AHNAK2: variants seen among roughly 807,000 people sequenced by gnomAD.
AHNAK2 encodes the protein protein AHNAK2.
Under a neutral mutation model 30.7 loss-of-function variants are expected in AHNAK2, and 18 were observed. The ratio of observed to expected loss-of-function variants is 0.59; its 90% CI spans 0.41 to 0.87. The LOEUF is 0.87. AHNAK2 is among the 40% of genes least tolerant of loss of function. The probability of loss-of-function intolerance (pLI) is 0.00; values close to 1 mark genes in which losing one functional copy is unlikely to be tolerated. For missense variants in AHNAK2, 8,604 were observed against 7,373.0 expected, an observed-to-expected ratio of 1.17 and a Z score of -6.11; for synonymous variants, 3,590 against 3,073.8, an observed-to-expected ratio of 1.17 and a Z score of -5.56.
Position 104,954,911 on chromosome 14 carries a change from TAGTGA to T in AHNAK2, c.651+41_651+45del. The T allele has an allele frequency of 3.9e-6, 2 of 507,314 alleles. No homozygotes were observed. The highest frequency in any genetic ancestry group is 6.2e-6 in the Non-Finnish European group (2 of 322,806). 31.4% of individuals were successfully genotyped at this position (507,314 alleles called of 1,614,324 possible). On this transcript the variant is annotated intron_variant, in intron 6 of 6. Coordinates refer to ENST00000333244, the MANE Select transcript of AHNAK2 (RefSeq NM_138420.4). The surrounding 1 kb of genome is among the most constrained non-coding windows in gnomAD (Gnocchi z 4.3). Reference sequence around the variant, plus strand: ...CCCCTCCCAGGCTCAGCCAGCAGGGTAGTGAAGCCAGCTGGGGCCCTGCCCCCCGG... The same window carrying T: ...CCCCTCCCAGGCTCAGCCAGCAGGGTAGCCAGCTGGGGCCCTGCCCCCCGG...
At position 104,947,415 on chromosome 14, in the gene AHNAK2, T is replaced by G. The variant is rs751972293; in HGVS notation, c.8036A>C (p.Glu2679Ala). 5.0e-6 allele frequency: 8 copies of G among 1,612,340 alleles called. No homozygotes were observed. The African/African-American group carries it at 8.1e-5, about 16-fold the overall frequency. Residue 2679 changes from glutamate (E) to alanine (A), a missense_variant, in exon 7 of 7, where the codon GAA becomes GCA. By Grantham distance (107) the Glu-to-Ala change is moderately radical (BLOSUM62 -1). Coordinates refer to ENST00000333244, the MANE Select transcript of AHNAK2 (RefSeq NM_138420.4). The stretch of plus-strand genomic sequence containing the variant: ...CATGGAGGGGAGGCTCATGTCGGCT[T>G]CCACCTTCAGCTCAGACACATCCAC... ...ALVDVSELKV[E>A]ADMSLPSMQG...
intron 1 of AHNAK2, among the ~76,000 whole-genome samples, chr14:104,965,759 G>C (rs1254185312): frequency 6.6e-6 from 1 of 152,240 alleles, no homozygotes; most frequent in Admixed American, 6.5e-5. Context: ...CTTGGGGACT[G>C]TCCCACGAAG....
At chr14:104,978,087 G>T in intron 1 of AHNAK2, 96 bp downstream of exon 1, 1 of 1,029,770 alleles carries the variant, frequency 9.7e-7, no homozygotes, top group Non-Finnish European at 1.2e-6. Context: ...CGCCCCCAAG[G>T]CCCGCACTGC....
Position 104,953,395 on chromosome 14 carries a change from C to G in AHNAK2, c.2056G>C (p.Gly686Arg), listed in dbSNP as rs771428719. The G allele has an allele frequency of 4.3e-6, 7 of 1,613,970 alleles. No individual in the cohort carries two copies. The highest frequency in any genetic ancestry group is 1.7e-5 in the Admixed American group (1 of 60,024). Residue 686 changes from glycine to arginine, a missense_variant, in exon 7 of 7, where the codon GGG becomes CGG. By Grantham distance (125) the Gly-to-Arg change is moderately radical. Transcript: ENST00000333244. The stretch of plus-strand genomic sequence containing the variant: ...ATGGACTTGCCTGGGGCTGACGCCC[C>G]GAACAATGGCATCTTGAACTTGGGC... Reference protein sequence around the residue: ...KMPKFKMPLFGASAPGKSMEA... With the variant: ...KMPKFKMPLFRASAPGKSMEA...
chr14:104,954,216 C>T lies in AHNAK2; in HGVS notation c.1235G>A (p.Gly412Glu). The T allele has an allele frequency of 6.2e-7, 1 of 1,611,134 alleles. No homozygotes were observed. ...ATGGAGCCTGGCTGCCCTGAGTCCCCCTTCCTGAGGGGTTCCCTCGCAAAG... is the reference window on the plus strand; with the variant it reads ...ATGGAGCCTGGCTGCCCTGAGTCCCTCTTCCTGAGGGGTTCCCTCGCAAAG... ...PRLCEGTPQEGGLRAARLHGK... is the reference protein window; with the variant it reads ...PRLCEGTPQEEGLRAARLHGK... The change falls in exon 7 of 7, where the codon GGG becomes GAG. Residue 412 changes from glycine to glutamate, a missense_variant. Transcript: ENST00000333244. The surrounding 1 kb of genome is among the most constrained non-coding windows in gnomAD (Gnocchi z 4.3).
rs540187461 is a variant in AHNAK2 at position 104,947,531 on chromosome 14, A to T, written c.7920T>A (p.Gly2640=). Residue 2640 remains glycine, a synonymous_variant, in exon 7 of 7, where the codon GGT becomes GGA. Coordinates refer to ENST00000333244, the MANE Select transcript of AHNAK2 (RefSeq NM_138420.4). ...LEGDLSLADK[G]VTAKDSKFKM... The stretch of plus-strand genomic sequence containing the variant: ...TGAACTTGCTATCTTTGGCTGTCAC[A>T]CCCTTGTCGGCCAGGGACAGGTCCC... 3.1e-6 allele frequency: 5 copies of T among 1,608,056 alleles called. No homozygotes were observed. The African/African-American group carries it at 6.8e-5, about 22-fold the overall frequency.
Position 104,955,140 on chromosome 14 carries a change from C to A in AHNAK2, c.468G>T (p.Gly156=). Reference sequence around the variant, plus strand: ...ACACGGTTGTACTGAGCAGCTGATCCCCTAGACCAAGAAAGAGCAGCCCCA... The same window carrying A: ...ACACGGTTGTACTGAGCAGCTGATCACCTAGACCAAGAAAGAGCAGCCCCA... ...SAAKLFNLRE[G]DQLLSTTVFF... Residue 156 remains glycine, a splice_region_variant and synonymous_variant, in exon 6 of 7, where the codon GGG becomes GGT. Coordinates refer to ENST00000333244, the MANE Select transcript of AHNAK2 (RefSeq NM_138420.4). The A allele has an allele frequency of 6.2e-7, 1 of 1,602,772 alleles. No homozygotes were observed. Among genetic ancestry groups the A allele is most frequent in the Non-Finnish European group, 8.5e-7 (1 of 1,175,284 alleles).
At position 104,939,904 on chromosome 14, in the gene AHNAK2, T is replaced by C; in HGVS notation, c.15547A>G (p.Lys5183Glu). 2 of 1,613,060 alleles carry C rather than the reference T, an allele frequency of 1.2e-6. No individual in the cohort carries two copies. The highest frequency in any genetic ancestry group is 1.3e-5 in the African/African-American group (1 of 75,044). Residue 5183 changes from lysine to glutamate, a missense_variant, in exon 7 of 7, where the codon AAG becomes GAG. Lys to Glu is a moderately conservative substitution (Grantham distance 56). Transcript: ENST00000333244. ...VESPEEEAMT[K>E]YSQESWFKMP... Reference sequence around the variant, plus strand: ...TTAAACCAGCTTTCCTGCGAGTACTTGGTCATGGCTTCCTCCTCTGGGCTT... The same window carrying C: ...TTAAACCAGCTTTCCTGCGAGTACTCGGTCATGGCTTCCTCCTCTGGGCTT...
At position 104,947,480 on chromosome 14, in the gene AHNAK2, T is replaced by C. The variant is rs768786000; in HGVS notation, c.7971A>G (p.Ser2657=). ...ACTCGCCTGGGGCCGACACCCTGAATGATGGCATCTTGAACTTGGGCATTT... is the reference window on the plus strand; with the variant it reads ...ACTCGCCTGGGGCCGACACCCTGAACGATGGCATCTTGAACTTGGGCATTT... The part of the protein sequence containing the change: ...KFKMPKFKMP[S]FRVSAPGESI... Residue 2657 remains serine, a synonymous_variant, in exon 7 of 7, where the codon TCA becomes TCG. Coordinates refer to ENST00000333244, the MANE Select transcript of AHNAK2 (RefSeq NM_138420.4). The C allele has an allele frequency of 1.3e-5, 21 of 1,612,368 alleles. No homozygotes were observed. The African/African-American group carries it at 1.7e-4, about 13-fold the overall frequency.
At position 104,947,197 on chromosome 14, in the gene AHNAK2, C is replaced by T. The variant is rs1374602008; in HGVS notation, c.8254G>A (p.Asp2752Asn). 6.2e-7 allele frequency: 1 copy of T among 1,612,244 alleles called. No individual in the cohort carries two copies. The highest frequency in any genetic ancestry group is 8.5e-7 in the Non-Finnish European group (1 of 1,179,522). The stretch of plus-strand genomic sequence containing the variant: ...AGGTCCACGTTGGGGCCCTTAACAT[C>T]TATCTGGGGGCCCTTGAGGTCCACT... ...PEVDLKGPQI[D>N]VKGPNVDLKG... Residue 2752 changes from aspartate (D) to asparagine (N), a missense_variant, in exon 7 of 7, where the codon GAT (aspartate) becomes AAT (asparagine). Coordinates refer to ENST00000333244, the MANE Select transcript of AHNAK2 (RefSeq NM_138420.4).
chr14:104,951,170 C>T lies in AHNAK2; in HGVS notation c.4281G>A (p.Lys1427=), dbSNP rs1448670434. 1.9e-6 allele frequency: 2 copies of T among 1,071,814 alleles called. No individual in the cohort carries two copies. The highest frequency in any genetic ancestry group is 2.9e-5 in the African/African-American group (2 of 68,772). The allele number at this position is 1,071,814 out of a possible 1,614,324, so 66.4% of individuals were successfully genotyped here. A position where few individuals can be genotyped will look rare whatever the true frequency, so the allele number is the denominator to read the frequency against. Residue 1427 remains lysine, a synonymous_variant, in exon 7 of 7, where the codon AAG becomes AAA. Transcript: ENST00000333244. ...GGCCCTTGATGTCTATTTCAGGGCCCTTGAGGTCCACTTTGGGCACCTTGA... is the reference window on the plus strand; with the variant it reads ...GGCCCTTGATGTCTATTTCAGGGCCTTTGAGGTCCACTTTGGGCACCTTGA... ...PSFKVPKVDL[K]GPEIDIKGPK...
At chr14:104,958,690 G>T (rs1899048483) in intron 1 of AHNAK2, among the ~76,000 whole-genome samples, 1 of 152,082 alleles carries the variant, frequency 6.6e-6, no homozygotes, top group Non-Finnish European at 1.5e-5. Context: ...TGAAGAACGG[G>T]GTCAGGGGGA....
chr14:104,978,072 TC>T, intron 1 of AHNAK2, 110 bp downstream of exon 1: 3 of 907,292 alleles, frequency 3.3e-6, no homozygotes, highest in African/African-American at 1.8e-5. Flanking sequence ...CGTCTCCGAG[TC>T]CCCCGCCCCC....
Position 104,947,913 on chromosome 14 carries a change from A to C in AHNAK2, c.7538T>G (p.Val2513Gly), listed in dbSNP as rs772751065. 1 of 1,612,158 alleles carries C rather than the reference A, an allele frequency of 6.2e-7. No homozygotes were observed. Among genetic ancestry groups the C allele is most frequent in the Non-Finnish European group, 8.5e-7 (1 of 1,179,482 alleles). ...GGAGGAGAGGCTCCCGTCGGCCTCC[A>C]CCTTCGGCGCAGACACATCCACCGA... ...EASVDVSAPKVEADGSLSSMQ... is the reference protein window; with the variant it reads ...EASVDVSAPKGEADGSLSSMQ... Residue 2513 changes from valine to glycine, a missense_variant, in exon 7 of 7, where the codon GTG becomes GGG. By Grantham distance (109) the Val-to-Gly change is moderately radical. Coordinates refer to ENST00000333244, the MANE Select transcript of AHNAK2 (RefSeq NM_138420.4).
intron 1 of AHNAK2, among the ~76,000 whole-genome samples, chr14:104,974,075 C>T (rs1184845689): frequency 2.0e-5 from 3 of 152,172 alleles, no homozygotes; most frequent in Non-Finnish European, 4.4e-5. Context: ...GGCCTTGACT[C>T]CCGGCCAGCC....
rs756411813 is a variant in AHNAK2 at position 104,954,006 on chromosome 14, A to T, written c.1445T>A (p.Ile482Asn). 5 of 1,613,576 alleles carry T rather than the reference A, an allele frequency of 3.1e-6. No individual in the cohort carries two copies. The highest frequency in any genetic ancestry group is 1.7e-5 in the Admixed American group (1 of 59,990). Residue 482 changes from isoleucine (I) to asparagine (N), a missense_variant, in exon 7 of 7, where the codon ATT (isoleucine) becomes AAT (asparagine). Transcript: ENST00000333244. This position sits in a 1 kb window ranked among gnomAD's most constrained non-coding sequence, Gnocchi z 4.3. ...EGGTQIGPPE[I>N]RVRVHDLKTP... The stretch of plus-strand genomic sequence containing the variant: ...CTTTAAATCGTGTACTCGCACCCTA[A>T]TTTCTGGTGGGCCAATCTGTGTGCC...
At position 104,947,461 on chromosome 14, in the gene AHNAK2, C is replaced by A. The variant is rs752684021; in HGVS notation, c.7990G>T (p.Gly2664Cys). 1 of 1,612,886 alleles carries A rather than the reference C, an allele frequency of 6.2e-7. No individual in the cohort carries two copies. Among genetic ancestry groups the A allele is most frequent in the Non-Finnish European group, 8.5e-7 (1 of 1,179,564 alleles). The change falls in exon 7 of 7, where the codon GGC becomes TGC. Residue 2664 changes from glycine (G) to cysteine (C), a missense_variant. Coordinates refer to ENST00000333244, the MANE Select transcript of AHNAK2 (RefSeq NM_138420.4). ...KMPSFRVSAP[G>C]ESIEALVDVS... is the part of the protein sequence containing the mutation. ...TCCACCAACGCCTCGATGGACTCGC[C>A]TGGGGCCGACACCCTGAATGATGGC...
Position 104,953,621 on chromosome 14 carries a change from CTCTGT to C in AHNAK2, c.1825_1829del (p.Thr609AlafsTer12). The C allele has an allele frequency of 1.2e-6, 2 of 1,613,968 alleles. No homozygotes were observed. Among genetic ancestry groups the C allele is most frequent in the Non-Finnish European group, 1.7e-6 (2 of 1,179,896 alleles). Reference sequence around the variant, plus strand: ...CTGTGGCCTCTCCTTCCCTTCCCTGCTCTGTGTCTTCTGTGGCTTTTTCTCTGCCT... The same window carrying C: ...CTGTGGCCTCTCCTTCCCTTCCCTGCGTCTTCTGTGGCTTTTTCTCTGCCT... On this transcript the variant is annotated frameshift_variant, in exon 7 of 7. Transcript: ENST00000333244. LOFTEE classifies it low-confidence loss of function (END_TRUNC).
At chr14:104,968,506 C>T (rs1899377304) in intron 1 of AHNAK2, among the ~76,000 whole-genome samples, 1 of 152,228 alleles carries the variant, frequency 6.6e-6, no homozygotes, top group Non-Finnish European at 1.5e-5. Context: ...TGAGGACTCC[C>T]ACCAGCCACC....
Sources: allele counts gnomAD v4.1 joint callset (sites outside exome capture counted in the v4.1 genomes callset), GRCh38; gene constraint gnomAD v4.1.1; non-coding constraint Gnocchi (gnomAD v3.1); transcripts MANE v1.5; gene names NCBI Gene and HGNC (gene_info 2026-07-23, HGNC 2026-07-21).